KCNAB1: variants seen among roughly 807,000 people sequenced by gnomAD.
KCNAB1 encodes voltage-gated potassium channel subunit beta-1.
Under a neutral mutation model 64.6 loss-of-function variants are expected in KCNAB1, and 35 were observed. The observed-to-expected ratio is 0.54, with a 90% CI of 0.41 to 0.72. The LOEUF (loss-of-function observed/expected upper bound fraction) is 0.72, where lower values mean the gene tolerates loss of function less well. Ranked by LOEUF, KCNAB1 falls within the 30% of genes least tolerant of loss-of-function variation. KCNAB1 has a pLI of 0.00. For synonymous variants in KCNAB1, 177 were observed against 183.8 expected (o/e 0.96, Z 0.30); for missense variants, 401 against 512.9 (o/e 0.78, Z 2.11).
At chr3:156,270,900 G>C (rs1719000850) in intron 1 of KCNAB1, among the ~76,000 whole-genome samples, 1 of 151,952 alleles carries the variant, frequency 6.6e-6, no homozygotes, top group Non-Finnish European at 1.5e-5. Flanking sequence ...GCTTTTATTT[G>C]TCTGGGGAAG....
intron 1 of KCNAB1, among the ~76,000 whole-genome samples, chr3:156,218,442 T>C (rs1715463092): frequency 6.6e-6 from 1 of 152,134 alleles, no homozygotes; most frequent in African/African-American, 2.4e-5. Flanking sequence ...TTATAATCTC[T>C]TGGTAGCTCT....
intron 1 of KCNAB1, among the ~76,000 whole-genome samples, chr3:156,192,336 C>A (rs1713612052): frequency 6.6e-6 from 1 of 151,994 alleles, no homozygotes; most frequent in Non-Finnish European, 1.5e-5. Context: ...GATCTTGTTA[C>A]TAGTTTTTGA....
chr3:156,467,592 T>C (rs1033204611), intron 7 of KCNAB1, among the ~76,000 whole-genome samples: 1 of 151,948 alleles, frequency 6.6e-6, no homozygotes. Context: ...CTGACTTATC[T>C]GTCTATCCAT....
chr3:156,207,322 G>C (rs142817574), intron 1 of KCNAB1, among the ~76,000 whole-genome samples: 1 of 152,314 alleles, frequency 6.6e-6, no homozygotes, highest in African/African-American at 2.4e-5. Context: ...ATCTAAGGCT[G>C]ACTCTGTCTC....
At chr3:156,469,360 G>A (rs1423166966) in intron 7 of KCNAB1, among the ~76,000 whole-genome samples, 7 of 147,372 alleles carry the variant, frequency 4.7e-5, no homozygotes, top group Admixed American at 1.4e-4. Context: ...GGGTTCAAGC[G>A]ATTCTCTTGC....
At chr3:156,265,725 T>C (rs1017125054) in intron 1 of KCNAB1, among the ~76,000 whole-genome samples, 67 of 152,210 alleles carry the variant, frequency 4.4e-4, no homozygotes, top group African/African-American at 1.6e-3. Flanking sequence ...CCGGGTGCAG[T>C]GGCTCATGCC....
intron 1 of KCNAB1, among the ~76,000 whole-genome samples, chr3:156,182,684 A>G (rs1712911009): frequency 6.8e-6 from 1 of 145,998 alleles, no homozygotes. Flanking sequence ...GTATCTTCCT[A>G]AAGTAAGACA....
At chr3:156,164,453 AC>A (rs1716255318) in intron 1 of KCNAB1, among the ~76,000 whole-genome samples, 1 of 152,136 alleles carries the variant, frequency 6.6e-6, no homozygotes, top group African/African-American at 2.4e-5. Context: ...TGTGTACATG[AC>A]CATCTCTTTC....
At chr3:156,256,968 C>T (rs1033971252) in intron 1 of KCNAB1, among the ~76,000 whole-genome samples, 2 of 152,208 alleles carry the variant, frequency 1.3e-5, no homozygotes, top group African/African-American at 4.8e-5. Flanking sequence ...TGTCTGGGTT[C>T]TGGTGACCAC....
At chr3:156,143,015 A>G in intron 1 of KCNAB1, 1 of 1,332,220 alleles carries the variant, frequency 7.5e-7, no homozygotes, top group Non-Finnish European at 9.6e-7. Context: ...GGAACTTAGG[A>G]GCCTGCTCGC....
At chr3:156,151,748 A>G (rs1422694290) in intron 1 of KCNAB1, among the ~76,000 whole-genome samples, 2 of 152,166 alleles carry the variant, frequency 1.3e-5, no homozygotes, top group Non-Finnish European at 2.9e-5. Flanking sequence ...ACAATTAACA[A>G]CTTTGGTAAA....
chr3:156,534,830 T>A (rs1718945117), intron 13 of KCNAB1, among the ~76,000 whole-genome samples: 1 of 152,212 alleles, frequency 6.6e-6, no homozygotes, highest in South Asian at 2.1e-4. Context: ...TCTGTAGTAG[T>A]TTACAATGTT....
chr3:156,176,681 G>T, intron 1 of KCNAB1: 2 of 1,049,552 alleles, frequency 1.9e-6, no homozygotes, highest in East Asian at 2.4e-5. Flanking sequence ...GGATCGGTTG[G>T]GGGTGGAACT....
intron 1 of KCNAB1, among the ~76,000 whole-genome samples, chr3:156,127,089 G>A (rs1213116137): frequency 1.3e-5 from 2 of 152,176 alleles, no homozygotes; most frequent in African/African-American, 4.8e-5. Flanking sequence ...ATCATCTGGT[G>A]TAGATTAGAC....
chr3:156,458,601 G>T (rs1003332290), intron 4 of KCNAB1, among the ~76,000 whole-genome samples: 8 of 152,158 alleles, frequency 5.3e-5, no homozygotes, highest in Non-Finnish European at 1.2e-4. Flanking sequence ...GACCATCAAG[G>T]AGGTTCAGAG....
intron 1 of KCNAB1, among the ~76,000 whole-genome samples, chr3:156,304,649 G>T (rs1319287895): frequency 6.6e-6 from 1 of 152,214 alleles, no homozygotes; most frequent in Non-Finnish European, 1.5e-5. Context: ...TTACTCTGCT[G>T]AGAAAACCAG....
chr3:156,171,005 A>C (rs1711938616), intron 1 of KCNAB1, among the ~76,000 whole-genome samples: 2 of 152,148 alleles, frequency 1.3e-5, no homozygotes, highest in Admixed American at 1.3e-4. Context: ...CTGAGAAACA[A>C]ATTGTTCAAT....
intron 1 of KCNAB1, among the ~76,000 whole-genome samples, chr3:156,219,695 T>TTTATTATTA (rs139168632): frequency 3.7e-4 from 55 of 146,732 alleles, no homozygotes; most frequent in Non-Finnish European, 5.2e-4. Flanking sequence ...AAGGAATCTT[T>TTTATTATTA]TTATTATTAT....
intron 1 of KCNAB1, among the ~76,000 whole-genome samples, chr3:156,375,369 C>A (rs1283970634): frequency 7.4e-6 from 1 of 134,706 alleles, no homozygotes; most frequent in Non-Finnish European, 1.5e-5. Flanking sequence ...GTGTTATTAT[C>A]TCCATTTGTT....
Sources: allele counts gnomAD v4.1 joint callset (sites outside exome capture counted in the v4.1 genomes callset), GRCh38; gene constraint gnomAD v4.1.1; transcripts MANE v1.5; gene names NCBI Gene and HGNC (gene_info 2026-07-23, HGNC 2026-07-21).